OR4N2: variants seen among roughly 807,000 people sequenced by gnomAD.
The protein encoded by OR4N2 is olfactory receptor 4N2.
For missense variants in OR4N2, 307 were observed against 377.6 expected, an observed-to-expected ratio of 0.81 and a Z score of 1.55; for synonymous variants, 141 against 140.4, an observed-to-expected ratio of 1.00 and a Z score of -0.03.
At chr14:19,816,583 G>A (rs1400973969) in intron 1 of OR4N2, among the ~76,000 whole-genome samples, 1 of 152,236 alleles carries the variant, frequency 6.6e-6, no homozygotes, top group Admixed American at 6.5e-5. Context: ...ATCAGCTGAA[G>A]GAGATTTTGG....
chr14:19,827,566 C>T lies in OR4N2; in HGVS notation c.118C>T (p.Pro40Ser). Reference protein sequence around the residue: ...LVLIFYFIILPGNFLIIFTIK... With the variant: ...LVLIFYFIILSGNFLIIFTIK... ...TTTAATATTCTACTTCATCATCCTC[C>T]CTGGAAATTTTCTCATTATTTTCAC... is the stretch of plus-strand genomic sequence containing the variant. Residue 40 changes from proline to serine, a missense_variant, in exon 2 of 2, where the codon CCT becomes TCT. Physicochemically the swap from Pro to Ser is moderately conservative, Grantham distance 74. Transcript: ENST00000557677. The T allele has an allele frequency of 1.9e-6, 3 of 1,614,182 alleles. No homozygotes were observed. The highest frequency in any genetic ancestry group is 1.7e-6 in the Non-Finnish European group (2 of 1,180,026).
rs35791756 is a variant in OR4N2 at position 19,829,551 on chromosome 14, GT to G, written c.*1182del. 0.31 allele frequency: 46,581 copies of G among 148,396 alleles called. 4,322 individuals carry two copies. Among genetic ancestry groups the G allele is most frequent in the African/African-American group, 0.44 (17,720 of 40,682 alleles). 9.2% of individuals were successfully genotyped at this position (148,396 alleles called of 1,614,324 possible). ...GTTCTTGCTACAATCTTAGCCATCTGTTTGTCTGAAAAACACTACAATTTTA... is the reference window on the plus strand; with the variant it reads ...GTTCTTGCTACAATCTTAGCCATCTGTTGTCTGAAAAACACTACAATTTTA... On this transcript the variant is annotated 3_prime_UTR_variant, in exon 2 of 2. Coordinates refer to ENST00000557677, the MANE Select transcript of OR4N2 (RefSeq NM_001004723.3).
intron 1 of OR4N2, among the ~76,000 whole-genome samples, chr14:19,813,328 TG>T (rs1474961400): frequency 6.6e-6 from 1 of 152,260 alleles, no homozygotes; most frequent in Non-Finnish European, 1.5e-5. Context: ...TGCATTTATA[TG>T]GAATGCCATG....
intron 1 of OR4N2, among the ~76,000 whole-genome samples, chr14:19,820,911 C>T (rs1386232575): frequency 6.6e-6 from 1 of 152,244 alleles, no homozygotes; most frequent in Non-Finnish European, 1.5e-5. Flanking sequence ...GAATCCCTGG[C>T]TTCAGCCCCA....
chr14:19,809,944 G>C (rs1174331829), intron 1 of OR4N2, among the ~76,000 whole-genome samples: 1 of 152,190 alleles, frequency 6.6e-6, no homozygotes, highest in Non-Finnish European at 1.5e-5. Context: ...CCCTGGCTAA[G>C]ATTTCATGGT....
chr14:19,825,015 A>G (rs1353036522), intron 1 of OR4N2, among the ~76,000 whole-genome samples: 4 of 152,278 alleles, frequency 2.6e-5, no homozygotes, highest in African/African-American at 9.6e-5. Context: ...ATTTTTATAT[A>G]GGCAGATAGT....
At chr14:19,805,123 C>G (rs1210213688) in intron 1 of OR4N2, among the ~76,000 whole-genome samples, 3 of 152,186 alleles carry the variant, frequency 2.0e-5, no homozygotes, top group Non-Finnish European at 2.9e-5. Context: ...AGAGAGAATA[C>G]AGTTGGGTCT....
intron 1 of OR4N2, among the ~76,000 whole-genome samples, chr14:19,810,882 T>A (rs1225520061): frequency 6.6e-6 from 1 of 152,164 alleles, no homozygotes. Context: ...ACTGAAGGGA[T>A]AATAAGGGAA....
At chr14:19,810,149 G>C (rs980887409) in intron 1 of OR4N2, among the ~76,000 whole-genome samples, 2 of 151,974 alleles carry the variant, frequency 1.3e-5, no homozygotes, top group Non-Finnish European at 2.9e-5. Flanking sequence ...TTAAATTATC[G>C]AGCAAAAAAC....
At chr14:19,810,186 C>T (rs1264226790) in intron 1 of OR4N2, among the ~76,000 whole-genome samples, 3 of 152,158 alleles carry the variant, frequency 2.0e-5, no homozygotes, top group East Asian at 1.9e-4. Flanking sequence ...GGGCAAAGGA[C>T]ATGAACAAAT....
chr14:19,816,785 G>T (rs1879438467), intron 1 of OR4N2, among the ~76,000 whole-genome samples: 1 of 152,368 alleles, frequency 6.6e-6, no homozygotes, highest in Middle Eastern at 3.4e-3. Flanking sequence ...TTTTCAAAGA[G>T]AATGCTTCCA....
Position 19,809,371 on chromosome 14 carries a change from CAA to C in OR4N2, c.-10+5530_-10+5531del, listed in dbSNP as rs371760597. Among the ~76,000 whole-genome samples the C allele has an allele frequency of 8.5e-4, 130 of 152,220 alleles. No homozygotes were observed. In the South Asian group the frequency reaches 0.026, roughly 31 times the overall value. On this transcript the variant is annotated intron_variant, in intron 1 of 1. Coordinates refer to ENST00000557677, the MANE Select transcript of OR4N2 (RefSeq NM_001004723.3). ...AGTTGACAAGTCGGGCCTAATTAAA[CAA>C]AAGAGCTTCTGCACAGCAAAAGAAA... is the stretch of plus-strand genomic sequence containing the variant.
At chr14:19,808,301 T>C (rs1361446665) in intron 1 of OR4N2, among the ~76,000 whole-genome samples, 1 of 152,200 alleles carries the variant, frequency 6.6e-6, no homozygotes, top group African/African-American at 2.4e-5. Context: ...ACTATTTCTA[T>C]TCACTGATGA....
intron 1 of OR4N2, among the ~76,000 whole-genome samples, chr14:19,807,649 C>A (rs1267266942): frequency 6.6e-6 from 1 of 151,738 alleles, no homozygotes; most frequent in Non-Finnish European, 1.5e-5. Context: ...TGAATTCTAC[C>A]AGATTTTAAA....
intron 1 of OR4N2, among the ~76,000 whole-genome samples, chr14:19,819,003 A>G (rs1325967828): frequency 1.3e-5 from 2 of 152,248 alleles, no homozygotes; most frequent in Admixed American, 6.5e-5. Flanking sequence ...AATGTTGAAT[A>G]TTGGCCCCCA....
At chr14:19,815,655 G>GTTTTTTTTTTTTTTTTTTTT (rs59019427) in intron 1 of OR4N2, among the ~76,000 whole-genome samples, 1 of 138,520 alleles carries the variant, frequency 7.2e-6, no homozygotes, top group Non-Finnish European at 1.6e-5. Context: ...GTTTTTTTTT[G>GTTTTTTTTTTTTTTTTTTTT]TTTTTTTTTT....
chr14:19,814,383 T>C (rs1433626300), intron 1 of OR4N2, among the ~76,000 whole-genome samples: 1 of 152,240 alleles, frequency 6.6e-6, no homozygotes, highest in Non-Finnish European at 1.5e-5. Flanking sequence ...TAAGAATAAT[T>C]ATGCAACAGT....
intron 1 of OR4N2, among the ~76,000 whole-genome samples, chr14:19,825,581 A>T (rs1879675352): frequency 6.6e-6 from 1 of 151,444 alleles, no homozygotes; most frequent in African/African-American, 2.4e-5. Flanking sequence ...TTTGAGACGG[A>T]GTCTCGCTCT....
At chr14:19,826,419 A>T (rs1879701638) in intron 1 of OR4N2, among the ~76,000 whole-genome samples, 2 of 152,276 alleles carry the variant, frequency 1.3e-5, no homozygotes, top group South Asian at 4.1e-4. Context: ...TAAACTGAAG[A>T]GTATACACTT....
Sources: gnomAD v4.1 joint callset for allele counts (sites outside exome capture counted in the v4.1 genomes callset) on GRCh38, gnomAD v4.1.1 for gene constraint, MANE v1.5 for transcripts, NCBI Gene and HGNC (gene_info 2026-07-23, HGNC 2026-07-21) for gene names.